PEX10: variants seen among roughly 807,000 people sequenced by gnomAD.
The protein encoded by PEX10 is peroxisomal biogenesis factor 10, also known as peroxisome biogenesis factor 10.
A neutral mutation model predicts 38.0 loss-of-function variants in PEX10; 32 were observed. That is an observed-to-expected ratio of 0.84 (90% CI 0.63 to 1.13). The LOEUF is 1.13. PEX10 is among the 50% of genes most tolerant of loss of function. The pLI is 0.00. For missense variants in PEX10, 483 were observed against 457.7 expected, an observed-to-expected ratio of 1.06 and a Z score of -0.51; for synonymous variants, 206 against 207.3, an observed-to-expected ratio of 0.99 and a Z score of 0.05.
At position 2,405,833 on chromosome 1, in the gene PEX10, G is replaced by T. The variant is rs200139330; in HGVS notation, c.914C>A (p.Ala305Glu). ...CTTCTCCCGGCAGAGGGGACACTCCGCCTGCGGAGAGGAGAAAGGGGGTCA... is the reference window on the plus strand; with the variant it reads ...CTTCTCCCGGCAGAGGGGACACTCCTCCTGCGGAGAGGAGAAAGGGGGTCA... Reference protein sequence around the residue: ...ECITAWCSSKAECPLCREKFP... With the variant: ...ECITAWCSSKEECPLCREKFP... Residue 305 changes from alanine to glutamate, a missense_variant and splice_region_variant, in exon 6 of 6, where the codon GCG becomes GAG. By Grantham distance (107) the Ala-to-Glu change is moderately radical. Transcript: ENST00000447513. 6.3e-7 allele frequency: 1 copy of T among 1,592,102 alleles called. No homozygotes were observed. Among genetic ancestry groups the T allele is most frequent in the Non-Finnish European group, 8.5e-7 (1 of 1,170,200 alleles).
chr1:2,409,022 TGTCG>T lies in PEX10; in HGVS notation c.194-168_194-165del, dbSNP rs1425090336. On this transcript the variant is annotated intron_variant, in intron 2 of 5. Transcript: ENST00000447513. This position sits in a 1 kb window ranked among gnomAD's most constrained non-coding sequence, Gnocchi z 6.2. ...GCTGGCTGAGGCCAACATGACCTTC[TGTCG>T]CTAAGCCCACTGTGAGCTCAGGCAG... Among the ~76,000 whole-genome samples, 1 of 152,176 alleles carries T rather than the reference TGTCG, an allele frequency of 6.6e-6. No individual in the cohort carries two copies. Among genetic ancestry groups the T allele is most frequent in the East Asian group, 1.9e-4 (1 of 5,194 alleles).
chr1:2,410,284 C>T lies in PEX10; in HGVS notation c.193+87G>A, dbSNP rs969414763. 1.7e-4 allele frequency: 208 copies of T among 1,193,326 alleles called. 1 individual carries two copies. Among genetic ancestry groups the T allele is most frequent in the Admixed American group, 3.5e-5 (2 of 57,420 alleles). The allele number at this position is 1,193,326 out of a possible 1,614,324, so 73.9% of individuals were successfully genotyped here. A position where few individuals can be genotyped will look rare whatever the true frequency, so the allele number is the denominator to read the frequency against. The stretch of plus-strand genomic sequence containing the variant: ...ACCCGGGCCAGCTCCAGGAGCTTCT[C>T]ACACTGCCTGGCAGCCCCCTGGCCA... On this transcript the variant is annotated intron_variant, in intron 2 of 5. Coordinates refer to ENST00000447513, the MANE Select transcript of PEX10 (RefSeq NM_002617.4). The surrounding 1 kb of genome is among the most constrained non-coding windows in gnomAD (Gnocchi z 5.1).
At position 2,405,737 on chromosome 1, in the gene PEX10, T is replaced by C. The variant is rs1335987687; in HGVS notation, c.*29A>G. 15 of 1,578,808 alleles carry C rather than the reference T, an allele frequency of 9.5e-6. No individual in the cohort carries two copies. The highest frequency in any genetic ancestry group is 1.3e-5 in the Non-Finnish European group (15 of 1,160,780). On this transcript the variant is annotated 3_prime_UTR_variant, in exon 6 of 6. Coordinates refer to ENST00000447513, the MANE Select transcript of PEX10 (RefSeq NM_002617.4). ...GGCGTTCAGACTCCCGTAGAGGTCA[T>C]CTGTGTCCAGGCCCACCCGGGCGCC... is the stretch of plus-strand genomic sequence containing the variant.
At chr1:2,412,797 C>G (rs1485783090), upstream of PEX10, among the ~76,000 whole-genome samples, 1 of 151,966 alleles carries the variant, frequency 6.6e-6, no homozygotes, top group Non-Finnish European at 1.5e-5. Context: ...GCGCGAGGGG[C>G]GCTGGCGAGG....
In PEX10 at chr1:2,410,201, G is replaced by C. The variant is rs1009493733; in HGVS notation, c.193+170C>G. 3.4e-5 allele frequency: 23 copies of C among 668,644 alleles called. No homozygotes were observed. Among genetic ancestry groups the C allele is most frequent in the Non-Finnish European group, 5.5e-5 (20 of 365,120 alleles). 41.4% of individuals were successfully genotyped at this position (668,644 alleles called of 1,614,324 possible). On this transcript the variant is annotated intron_variant, in intron 2 of 5. Coordinates refer to ENST00000447513, the MANE Select transcript of PEX10 (RefSeq NM_002617.4). This position sits in a 1 kb window ranked among gnomAD's most constrained non-coding sequence, Gnocchi z 5.1. Reference sequence around the variant, plus strand: ...GCTGGAAAAGTCGGCTCCCTGCTGGGAGCAGATGCCTCGCCTCCCTCGGAG... The same window carrying C: ...GCTGGAAAAGTCGGCTCCCTGCTGGCAGCAGATGCCTCGCCTCCCTCGGAG...
chr1:2,406,439 C>T (rs776214063), intron 5 of PEX10, 45 bp downstream of exon 5: 1 of 1,604,708 alleles, frequency 6.2e-7, no homozygotes, highest in East Asian at 2.2e-5. Flanking sequence ...ATCTTGCCGG[C>T]ACAGCCGCTG....
At position 2,409,215 on chromosome 1, in the gene PEX10, G is replaced by A. The variant is rs1643109559; in HGVS notation, c.194-357C>T. On this transcript the variant is annotated intron_variant, in intron 2 of 5. Transcript: ENST00000447513. This position sits in a 1 kb window ranked among gnomAD's most constrained non-coding sequence, Gnocchi z 6.2. ...CCAAGCACTCGGATCCAGTCCCATGGCTCTCCACCAACCACACAGCTGGCA... is the reference window on the plus strand; with the variant it reads ...CCAAGCACTCGGATCCAGTCCCATGACTCTCCACCAACCACACAGCTGGCA... 6.6e-6 allele frequency among the ~76,000 whole-genome samples: 1 copy of A among 152,012 alleles called. No individual in the cohort carries two copies. The highest frequency in any genetic ancestry group is 1.5e-5 in the Non-Finnish European group (1 of 67,996).
In PEX10 at chr1:2,406,565, C is replaced by T. The variant is rs1211855284; in HGVS notation, c.831G>A (p.Leu277=). 5.0e-6 allele frequency: 8 copies of T among 1,613,290 alleles called. No individual in the cohort carries two copies. The highest frequency in any genetic ancestry group is 5.9e-6 in the Non-Finnish European group (7 of 1,179,994). ...TGGCTGTTGGGTGCCTGCGCTCCTC[C>T]AGGCACAGGGTGCACAGGGGGTTTC... is the stretch of plus-strand genomic sequence containing the variant. ...VSRNPLCTLC[L]EERRHPTATP... is the part of the protein sequence containing the mutation. Residue 277 remains leucine (L), a synonymous_variant, in exon 5 of 6, where the codon CTG becomes CTA. Coordinates refer to ENST00000447513, the MANE Select transcript of PEX10 (RefSeq NM_002617.4).
chr1:2,412,461 C>T lies in PEX10; in HGVS notation c.42G>A (p.Ala14=). The T allele has an allele frequency of 7.0e-7, 1 of 1,421,392 alleles. No individual in the cohort carries two copies. The highest frequency in any genetic ancestry group is 9.2e-7 in the Non-Finnish European group (1 of 1,090,958). The allele number at this position is 1,421,392 out of a possible 1,614,324, so 88.0% of individuals were successfully genotyped here. Residue 14 remains alanine (A), a synonymous_variant, in exon 1 of 6, where the codon GCG becomes GCA. Transcript: ENST00000447513. The part of the protein sequence containing the change: ...AAASPPEVIR[A]AQKDEYYRGG... ...CGCGGTAGTACTCGTCCTTCTGCGC[C>T]GCGCGGATCACCTCCGGGGGGCTGG...
intron 2 of PEX10, 43 bp from the exon 3 acceptor site, chr1:2,408,901 C>A (rs568518336): frequency 1.9e-6 from 3 of 1,601,356 alleles, no homozygotes; most frequent in African/African-American, 2.7e-5. Flanking sequence ...AGACTGCTGC[C>A]GCGGGGACAG....
Position 2,410,226 on chromosome 1 carries a change from G to A in PEX10, c.193+145C>T, listed in dbSNP as rs1385295835. 3 of 726,802 alleles carry A rather than the reference G, an allele frequency of 4.1e-6. No homozygotes were observed. The highest frequency in any genetic ancestry group is 1.5e-5 in the South Asian group (1 of 67,418). The allele number at this position is 726,802 out of a possible 1,614,324, so 45.0% of individuals were successfully genotyped here. On this transcript the variant is annotated intron_variant, in intron 2 of 5. Transcript: ENST00000447513. The surrounding 1 kb of genome is among the most constrained non-coding windows in gnomAD (Gnocchi z 5.1). ...GAGCAGATGCCTCGCCTCCCTCGGA[G>A]CAGTACCTCCTGCACTTCCCTGAAG...
chr1:2,406,646 G>A, intron 4 of PEX10, 27 bp from the exon 5 acceptor site: 1 of 1,612,800 alleles, frequency 6.2e-7, no homozygotes, highest in East Asian at 2.2e-5. Flanking sequence ...AGAGCGTCAA[G>A]GTGGGTGCAC....
Position 2,405,770 on chromosome 1 carries a change from C to T in PEX10, c.977G>A (p.Arg326His), listed in dbSNP as rs140890506. Residue 326 changes from arginine (R) to histidine (H), a missense_variant, in exon 6 of 6, where the codon CGC (arginine) becomes CAC (histidine). Coordinates refer to ENST00000447513, the MANE Select transcript of PEX10 (RefSeq NM_002617.4). ...PQKLIYLRHY[R>H] ...CAGGCCCACCCGGGCGCCGGCTCAG[C>T]GGTAGTGCCGAAGGTAGATGAGCTT... 8.7e-5 allele frequency: 139 copies of T among 1,601,358 alleles called. No homozygotes were observed. Among genetic ancestry groups the T allele is most frequent in the East Asian group, 3.6e-4 (16 of 44,200 alleles).
chr1:2,408,261 A>G (rs992858004), intron 3 of PEX10, among the ~76,000 whole-genome samples, 191 bp downstream of exon 3: 1 of 152,180 alleles, frequency 6.6e-6, no homozygotes, highest in Non-Finnish European at 1.5e-5. Context: ...TGGATCTTTC[A>G]GCCAAGTGTA....
chr1:2,405,443 A>G lies in PEX10; in HGVS notation c.*323T>C. ...TAAAGTGTCTTCTGGCCTACTTCTG[A>G]ATTACTTCTCAACTGTATGGTTTGG... On this transcript the variant is annotated 3_prime_UTR_variant, in exon 6 of 6. Coordinates refer to ENST00000447513, the MANE Select transcript of PEX10 (RefSeq NM_002617.4). 4.1e-6 allele frequency: 2 copies of G among 490,254 alleles called. No homozygotes were observed. Among genetic ancestry groups the G allele is most frequent in the Non-Finnish European group, 7.5e-6 (2 of 266,500 alleles). 30.4% of individuals were successfully genotyped at this position (490,254 alleles called of 1,614,324 possible). A position where few individuals can be genotyped will look rare whatever the true frequency, so the allele number is the denominator to read the frequency against.
rs750832855 is a variant in PEX10 at position 2,409,397 on chromosome 1, G to A, written c.194-539C>T. Among the ~76,000 whole-genome samples, 4 of 151,918 alleles carry A rather than the reference G, an allele frequency of 2.6e-5. No individual in the cohort carries two copies. Among genetic ancestry groups the A allele is most frequent in the Non-Finnish European group, 4.4e-5 (3 of 67,976 alleles). ...CCCCACCCAGAAAAGCCTGCTCCCCGTTTCCATCTCTGTGGATGGCAACGC... is the reference window on the plus strand; with the variant it reads ...CCCCACCCAGAAAAGCCTGCTCCCCATTTCCATCTCTGTGGATGGCAACGC... On this transcript the variant is annotated intron_variant, in intron 2 of 5. Coordinates refer to ENST00000447513, the MANE Select transcript of PEX10 (RefSeq NM_002617.4). This position sits in a 1 kb window ranked among gnomAD's most constrained non-coding sequence, Gnocchi z 6.2.
In PEX10 at chr1:2,405,658, ACTG is replaced by A; in HGVS notation, c.*105_*107del. On this transcript the variant is annotated 3_prime_UTR_variant, in exon 6 of 6. Coordinates refer to ENST00000447513, the MANE Select transcript of PEX10 (RefSeq NM_002617.4). Reference sequence around the variant, plus strand: ...AGGTTAGTATCTTACATGACAAAAAACTGAGAGTGTTCTAACTTCTGTGCAAGC... The same window carrying A: ...AGGTTAGTATCTTACATGACAAAAAAAGAGTGTTCTAACTTCTGTGCAAGC... 1 of 1,017,304 alleles carries A rather than the reference ACTG, an allele frequency of 9.8e-7. No individual in the cohort carries two copies. The highest frequency in any genetic ancestry group is 1.5e-6 in the Non-Finnish European group (1 of 666,538). The allele number at this position is 1,017,304 out of a possible 1,614,324, so 63.0% of individuals were successfully genotyped here.
Position 2,408,842 on chromosome 1 carries a change from C to T in PEX10, c.210G>A (p.Gly70=). 2 of 1,614,012 alleles carry T rather than the reference C, an allele frequency of 1.2e-6. No homozygotes were observed. Among genetic ancestry groups the T allele is most frequent in the East Asian group, 4.5e-5 (2 of 44,878 alleles). The change falls in exon 3 of 6, where the codon GGG becomes GGA. Residue 70 remains glycine, a synonymous_variant. Coordinates refer to ENST00000447513, the MANE Select transcript of PEX10 (RefSeq NM_002617.4). ...CCTGGATGATGCTGACGTACTCCTC[C>T]CCCAGGGTCTGGTAGCCTGCGAGGA... is the stretch of plus-strand genomic sequence containing the variant. ...LTTLAGYQTL[G]EEYVSIIQVD...
In PEX10 at chr1:2,408,668, C is replaced by T; in HGVS notation, c.384G>A (p.Gln128=). ...QADPDSGRPL[Q]GSLGPGGRGC... ...CACGCCCACCTGGCCCCAGGCTCCC[C>T]TGCAAGGGTCGCCCACTGTCGGGGT... The change falls in exon 3 of 6, where the codon CAG becomes CAA. Residue 128 remains glutamine (Q), a synonymous_variant. Coordinates refer to ENST00000447513, the MANE Select transcript of PEX10 (RefSeq NM_002617.4). The T allele has an allele frequency of 6.2e-7, 1 of 1,612,008 alleles. No individual in the cohort carries two copies. The highest frequency in any genetic ancestry group is 8.5e-7 in the Non-Finnish European group (1 of 1,179,314).
Sources: allele counts gnomAD v4.1 joint callset (sites outside exome capture counted in the v4.1 genomes callset), GRCh38; gene constraint gnomAD v4.1.1; non-coding constraint Gnocchi (gnomAD v3.1); transcripts MANE v1.5; gene names NCBI Gene and HGNC (gene_info 2026-07-23, HGNC 2026-07-21).